Variants in ULK4 observed in about 807,000 individuals in gnomAD.
ULK4 encodes the protein unc-51 like kinase 4.
A neutral mutation model predicts 160.6 loss-of-function variants in ULK4; 133 were observed. The ratio of observed to expected loss-of-function variants is 0.83; its 90% CI spans 0.72 to 0.96. ULK4 has a LOEUF of 0.96. Ranked by LOEUF, ULK4 falls within the 40% of genes least tolerant of loss-of-function variation. ULK4 has a pLI of 0.00. For missense variants in ULK4, 1,580 were observed against 1,499.5 expected (o/e 1.05, Z -0.89); for synonymous variants, 534 against 539.8 (o/e 0.99, Z 0.15).
At position 41,506,767 on chromosome 3, in the gene ULK4, A is replaced by AAAAAAAAAAAAAAAATATAT; in HGVS notation, c.3227-43515_3227-43514insATATATTTTTTTTTTTTTTT. 1.9e-4 allele frequency among the ~76,000 whole-genome samples: 11 copies of AAAAAAAAAAAAAAAATATAT among 56,794 alleles called. 2 individuals are homozygous for AAAAAAAAAAAAAAAATATAT. Among genetic ancestry groups the AAAAAAAAAAAAAAAATATAT allele is most frequent in the Non-Finnish European group, 2.8e-4 (9 of 31,984 alleles). 37.3% of individuals were successfully genotyped at this position (56,794 alleles called of 152,430 possible). ...AGCAATACACTGGAGTGTGATTTAAAATATATATATATATATATATATATA... is the reference window on the plus strand; with the variant it reads ...AGCAATACACTGGAGTGTGATTTAAAAAAAAAAAAAAAAAATATATATATATATATATATATATATATATA... On this transcript the variant is annotated intron_variant, in intron 32 of 36. Coordinates refer to ENST00000301831, the MANE Select transcript of ULK4 (RefSeq NM_017886.4).
chr3:41,531,524 G>GA (rs60703381), intron 32 of ULK4, among the ~76,000 whole-genome samples: 39,838 of 140,652 alleles, frequency 0.28, 5,802 homozygotes, highest in African/African-American at 0.39. Flanking sequence ...AAAAGAAAAA[G>GA]AAAAAAAAAA....
chr3:41,883,891 T>C lies in ULK4; in HGVS notation c.1639A>G (p.Asn547Asp). The change falls in exon 17 of 37, where the codon AAT becomes GAT. Residue 547 changes from asparagine to aspartate, a missense_variant. Physicochemically the swap from Asn to Asp is conservative, Grantham distance 23 (BLOSUM62 1). Transcript: ENST00000301831. ...GACATTACCTCAACAACAGGTGTATTTTCCTGGAGCTCAGCTGTGTGCGAA... is the reference window on the plus strand; with the variant it reads ...GACATTACCTCAACAACAGGTGTATCTTCCTGGAGCTCAGCTGTGTGCGAA... ...LASHTAELQE[N>D]TPVVEAIVLL... is the part of the protein sequence containing the mutation. The C allele has an allele frequency of 6.2e-7, 1 of 1,608,578 alleles. No homozygotes were observed. Among genetic ancestry groups the C allele is most frequent in the Non-Finnish European group, 8.5e-7 (1 of 1,174,822 alleles).
At chr3:41,657,785 C>T (rs1299167596) in intron 30 of ULK4, among the ~76,000 whole-genome samples, 1 of 138,028 alleles carries the variant, frequency 7.2e-6, no homozygotes, top group Non-Finnish European at 1.5e-5. Flanking sequence ...CACTGCACTG[C>T]AGCCTAGGTG....
At chr3:41,831,047 A>T (rs115227029) in intron 18 of ULK4, among the ~76,000 whole-genome samples, 2,149 of 146,164 alleles carry the variant, frequency 0.015, 49 homozygotes, top group African/African-American at 0.054. Flanking sequence ...TTTATTTATT[A>T]GACAGGGTGT....
chr3:41,868,573 C>A (rs111668040), intron 17 of ULK4, among the ~76,000 whole-genome samples: 1 of 152,126 alleles, frequency 6.6e-6, no homozygotes, highest in Admixed American at 6.5e-5. Context: ...CTGTAACCTA[C>A]GCCTCCAGGT....
At chr3:41,430,476 G>C (rs1210264501) in intron 34 of ULK4, among the ~76,000 whole-genome samples, 1 of 152,150 alleles carries the variant, frequency 6.6e-6, no homozygotes, top group Admixed American at 6.5e-5. Context: ...TCTGCAAGGC[G>C]CCACAGGAGA....
intron 17 of ULK4, among the ~76,000 whole-genome samples, chr3:41,871,684 T>C (rs1279325039): frequency 6.6e-6 from 1 of 152,244 alleles, no homozygotes; most frequent in Admixed American, 6.5e-5. Context: ...CATTTTCTAA[T>C]CGAATATTTT....
At chr3:41,539,376 T>C (rs1455400976) in intron 32 of ULK4, among the ~76,000 whole-genome samples, 1 of 152,162 alleles carries the variant, frequency 6.6e-6, no homozygotes, top group African/African-American at 2.4e-5. Context: ...ATCACTACTC[T>C]GTACCACCTA....
intron 31 of ULK4, among the ~76,000 whole-genome samples, chr3:41,607,102 T>C (rs192513322): frequency 6.7e-4 from 102 of 152,272 alleles, no homozygotes; most frequent in Non-Finnish European, 1.3e-3. Context: ...TTTAAGTCTT[T>C]AATCCATTTT....
chr3:41,849,576 T>C (rs1400248708), intron 17 of ULK4, among the ~76,000 whole-genome samples: 1 of 152,166 alleles, frequency 6.6e-6, no homozygotes, highest in Non-Finnish European at 1.5e-5. Context: ...AGATAGATGT[T>C]TTAATACATT....
At chr3:41,448,999 C>T (rs980936981) in intron 34 of ULK4, among the ~76,000 whole-genome samples, 1 of 152,156 alleles carries the variant, frequency 6.6e-6, no homozygotes, top group African/African-American at 2.4e-5. Context: ...CTCACTGCAA[C>T]CTCTGCCTCC....
At chr3:41,546,673 T>A (rs1795333) in intron 32 of ULK4, among the ~76,000 whole-genome samples, 5 of 150,696 alleles carry the variant, frequency 3.3e-5, no homozygotes, top group South Asian at 4.2e-4. Context: ...CTGTTAATCC[T>A]CACTAGCTCA....
intron 35 of ULK4, among the ~76,000 whole-genome samples, chr3:41,390,990 T>A (rs995545754): frequency 3.3e-5 from 5 of 152,128 alleles, no homozygotes; most frequent in Admixed American, 3.3e-4. Flanking sequence ...CTCTCTGTTT[T>A]ACTTTTTACT....
intron 17 of ULK4, among the ~76,000 whole-genome samples, chr3:41,862,923 G>A (rs1222068879): frequency 6.6e-6 from 1 of 152,056 alleles, no homozygotes; most frequent in East Asian, 1.9e-4. Context: ...GAAGTGCTAG[G>A]TCTTACCCAA....
chr3:41,660,200 CAGG>C (rs759118357), intron 30 of ULK4, among the ~76,000 whole-genome samples: 3 of 151,768 alleles, frequency 2.0e-5, no homozygotes, highest in Non-Finnish European at 2.9e-5. Flanking sequence ...GAGGCTGAGG[CAGG>C]AGAATAGCTT....
At chr3:41,542,186 G>A (rs113611603) in intron 32 of ULK4, among the ~76,000 whole-genome samples, 1,782 of 152,202 alleles carry the variant, frequency 0.012, 33 homozygotes, top group Non-Finnish European at 0.018. Flanking sequence ...TTTGAGATAC[G>A]TTCCTTCGAT....
At chr3:41,883,347 C>T (rs1697590832) in intron 17 of ULK4, among the ~76,000 whole-genome samples, 1 of 152,216 alleles carries the variant, frequency 6.6e-6, no homozygotes, top group African/African-American at 2.4e-5. Flanking sequence ...CCTTCAGGAG[C>T]TCTTGCTGTT....
chr3:41,282,275 T>C (rs1325224199), intron 35 of ULK4, among the ~76,000 whole-genome samples: 1 of 152,228 alleles, frequency 6.6e-6, no homozygotes, highest in African/African-American at 2.4e-5. Context: ...TACCAGACTT[T>C]CTTCACAGAA....
chr3:41,562,893 T>A (rs1273738628), intron 32 of ULK4, among the ~76,000 whole-genome samples: 1 of 152,228 alleles, frequency 6.6e-6, no homozygotes, highest in Non-Finnish European at 1.5e-5. Flanking sequence ...GTGAATTTGA[T>A]CCTGTCATTA....
Sources: gnomAD v4.1 joint callset for allele counts (sites outside exome capture counted in the v4.1 genomes callset) on GRCh38, gnomAD v4.1.1 for gene constraint, MANE v1.5 for transcripts, NCBI Gene and HGNC (gene_info 2026-07-23, HGNC 2026-07-21) for gene names.